The following ZNF44 variants were observed in gnomAD, a reference collection of about 807,000 sequenced individuals.
ZNF44 encodes the protein zinc finger protein 44, also known as gonadotropin inducible transcription repressor-2.
A neutral mutation model predicts 11.7 loss-of-function variants in ZNF44; 9 were observed. The observed-to-expected ratio is 0.77, with a 90% CI of 0.46 to 1.35. The LOEUF is 1.35. Ranked by LOEUF, ZNF44 falls within the 40% of genes most tolerant of loss-of-function variation. The pLI is 0.00. For synonymous variants in ZNF44, 224 were observed against 242.7 expected, an observed-to-expected ratio of 0.92 and a Z score of 0.72; for missense variants, 696 against 743.1, an observed-to-expected ratio of 0.94 and a Z score of 0.74.
intron 3 of ZNF44, among the ~76,000 whole-genome samples, chr19:12,274,514 T>C (rs1967129957): frequency 6.6e-6 from 1 of 151,914 alleles, no homozygotes; most frequent in Admixed American, 6.6e-5. Context: ...ACCTCGTGGA[T>C]CCACCCACCT....
At chr19:12,240,848 T>C (rs148235440), upstream of ZNF44, among the ~76,000 whole-genome samples, 4 of 152,322 alleles carry the variant, frequency 2.6e-5, no homozygotes, top group East Asian at 1.9e-4. Flanking sequence ...TAGAAGAAGA[T>C]ATAGGAGAAA....
upstream of ZNF44, among the ~76,000 whole-genome samples, chr19:12,241,271 T>G (rs2438556): frequency 0.38 from 57,509 of 152,148 alleles, 13,392 homozygotes; most frequent in African/African-American, 0.67. Flanking sequence ...TGAGCATGCA[T>G]AGAAACTGCA....
At chr19:12,264,871 A>AT (rs953505301) in intron 5 of ZNF44, among the ~76,000 whole-genome samples, 7 of 151,998 alleles carry the variant, frequency 4.6e-5, no homozygotes, top group Non-Finnish European at 1.0e-4. Context: ...AATTTTTTGT[A>AT]TTTTTTGTTA....
chr19:12,224,966 T>C (rs1915856679), downstream of ZNF44: 1 of 152,090 alleles, frequency 6.6e-6, no homozygotes, highest in African/African-American at 2.4e-5. Flanking sequence ...ATGTTTTTGG[T>C]TGGAGATGTT....
In ZNF44 at chr19:12,272,633, A is replaced by C. The variant is rs753938438; in HGVS notation, c.1622T>G (p.Phe541Cys). The C allele has an allele frequency of 6.2e-7, 1 of 1,613,270 alleles. No individual in the cohort carries two copies. The highest frequency in any genetic ancestry group is 1.7e-5 in the Admixed American group (1 of 59,846). The change falls in exon 4 of 4, where the codon TTC (phenylalanine) becomes TGC (cysteine). Residue 541 changes from phenylalanine (F) to cysteine (C), a missense_variant. By Grantham distance (205) the Phe-to-Cys change is radical. Coordinates refer to ENST00000355684, the MANE Select transcript of ZNF44 (RefSeq NM_016264.4). Reference protein sequence around the residue: ...PYECKQCRKAFFWPSFLLRHE... With the variant: ...PYECKQCRKACFWPSFLLRHE... ...TCTTAGAAGGAAAGAGGGCCAAAAGAATGCTTTCCTGCATTGCTTACATTC... is the reference window on the plus strand; with the variant it reads ...TCTTAGAAGGAAAGAGGGCCAAAAGCATGCTTTCCTGCATTGCTTACATTC...
At chr19:12,254,705 A>G (rs1438319529) in intron 5 of ZNF44, among the ~76,000 whole-genome samples, 1 of 152,112 alleles carries the variant, frequency 6.6e-6, no homozygotes, top group Non-Finnish European at 1.5e-5. Context: ...ACTGCACTCC[A>G]GCCTGGGCGA....
At chr19:12,282,208 G>A (rs887747002) in intron 1 of ZNF44, among the ~76,000 whole-genome samples, 1 of 152,084 alleles carries the variant, frequency 6.6e-6, no homozygotes, top group Admixed American at 6.6e-5. Context: ...AATGTTTGTT[G>A]TCTAAGGCAT....
At chr19:12,238,741 A>T (rs988784432), upstream of ZNF44, among the ~76,000 whole-genome samples, 2 of 152,102 alleles carry the variant, frequency 1.3e-5, no homozygotes, top group African/African-American at 4.8e-5. Flanking sequence ...GGTTGCAGTG[A>T]GCCGAGATCG....
chr19:12,245,837 C>T (rs1161778437), downstream of ZNF44, among the ~76,000 whole-genome samples: 1 of 151,920 alleles, frequency 6.6e-6, no homozygotes, highest in African/African-American at 2.4e-5. Context: ...GACATGAAAG[C>T]TGGGAGGCAG....
At chr19:12,240,316 G>A (rs965142286), upstream of ZNF44, among the ~76,000 whole-genome samples, 8 of 151,632 alleles carry the variant, frequency 5.3e-5, no homozygotes, top group East Asian at 1.9e-4. Flanking sequence ...GTGGTGGCTC[G>A]TGCCTGTAAT....
chr19:12,260,061 C>A, intron 5 of ZNF44: 2 of 528,050 alleles, frequency 3.8e-6, no homozygotes, highest in African/African-American at 1.9e-5. Flanking sequence ...GCAACCCAGG[C>A]ATCAGTCACA....
intron 5 of ZNF44, chr19:12,260,606 A>C (rs1369236163): frequency 1.6e-6 from 1 of 618,280 alleles, no homozygotes; most frequent in Non-Finnish European, 2.9e-6. Flanking sequence ...GCCCGCAAAA[A>C]ACAAAAACAA....
rs1568420558 is a variant in ZNF44, at chr19:12,235,392, CAAAA to C, written n.139-488_139-485del. On this transcript the variant is annotated intron_variant and non_coding_transcript_variant, in intron 1 of 3. Transcript: ENST00000597563. ...TCGTCTCGAAAAAAACAAAACAAAACAAAAAAACCGACACCAGTTCACTACAATC... is the reference window on the plus strand; with the variant it reads ...TCGTCTCGAAAAAAACAAAACAAAACAAACCGACACCAGTTCACTACAATC... Among the ~76,000 whole-genome samples, 6 of 151,976 alleles carry C rather than the reference CAAAA, an allele frequency of 3.9e-5. No homozygotes were observed. The South Asian group carries it at 1.0e-3, about 26-fold the overall frequency.
chr19:12,278,363 T>G (rs1967322930), intron 1 of ZNF44, among the ~76,000 whole-genome samples: 1 of 152,228 alleles, frequency 6.6e-6, no homozygotes, highest in Admixed American at 6.5e-5. Flanking sequence ...AAACTCTGTT[T>G]GTGGCTCTCA....
intron 2 of ZNF44, among the ~76,000 whole-genome samples, chr19:12,275,506 G>T (rs1397630232): frequency 6.6e-6 from 1 of 152,036 alleles, no homozygotes; most frequent in African/African-American, 2.4e-5. Context: ...AAATTAGCTG[G>T]GCATGGTGGC....
chr19:12,290,624 C>T (rs1191953184), intron 1 of ZNF44, among the ~76,000 whole-genome samples: 2 of 151,538 alleles, frequency 1.3e-5, no homozygotes, highest in Admixed American at 6.6e-5. Context: ...CGCTTGAACC[C>T]GGAAGGCAGA....
intron 1 of ZNF44, among the ~76,000 whole-genome samples, chr19:12,289,771 A>G (rs1048685088): frequency 6.7e-6 from 1 of 150,338 alleles, no homozygotes; most frequent in African/African-American, 2.5e-5. Flanking sequence ...CAGCCTCCCG[A>G]GTAGCACCCG....
At chr19:12,247,735 A>G (rs1189335514) in exon 8 of ZNF44, 4 of 1,335,780 alleles carry the variant, frequency 3.0e-6, no homozygotes, top group Non-Finnish European at 4.0e-6. Context: ...CTTTGAGCTG[A>G]GTAGTAGTAT....
chr19:12,234,260 A>T (rs1352431093), intron 2 of ZNF44, among the ~76,000 whole-genome samples: 1 of 152,190 alleles, frequency 6.6e-6, no homozygotes, highest in African/African-American at 2.4e-5. Flanking sequence ...GAAGTTTCTT[A>T]GTTCTGTTTC....
Sources: allele counts gnomAD v4.1 joint callset (sites outside exome capture counted in the v4.1 genomes callset), GRCh38; gene constraint gnomAD v4.1.1; transcripts MANE v1.5; gene names NCBI Gene and HGNC (gene_info 2026-07-23, HGNC 2026-07-21).